CDC42: variants seen among roughly 807,000 people sequenced by gnomAD.
CDC42 encodes cell division control protein 42 homolog.
CDC42 carries 1 observed loss-of-function variant against 20.8 expected under a neutral mutation model. That is an observed-to-expected ratio of 0.05 (90% CI 0.02 to 0.23). CDC42 has a LOEUF of 0.23. CDC42 is among the 10% of genes least tolerant of loss of function. The pLI, the probability that CDC42 is intolerant of heterozygous loss-of-function variation, is 1.00. For synonymous variants in CDC42, 72 were observed against 84.8 expected, an observed-to-expected ratio of 0.85 and a Z score of 0.83; for missense variants, 49 against 227.9, an observed-to-expected ratio of 0.21 and a Z score of 5.05.
chr1:22,084,030 G>A (rs915288488), intron 3 of CDC42, among the ~76,000 whole-genome samples: 4 of 152,100 alleles, frequency 2.6e-5, no homozygotes, highest in Non-Finnish European at 5.9e-5. Flanking sequence ...TCACAGTTTT[G>A]TTTATCCATT....
At chr1:22,090,261 C>G in intron 5 of CDC42, 1 of 1,209,422 alleles carries the variant, frequency 8.3e-7, no homozygotes, top group Non-Finnish European at 1.0e-6. Flanking sequence ...GCTTGAGTTG[C>G]CTGATGCTCA....
intron 1 of CDC42, among the ~76,000 whole-genome samples, chr1:22,075,439 A>G (rs1645537648): frequency 6.6e-6 from 1 of 152,312 alleles, no homozygotes; most frequent in South Asian, 2.1e-4. Flanking sequence ...CAAGTTTCTT[A>G]TATAAAATTA....
At chr1:22,084,875 T>C (rs1486937103) in intron 3 of CDC42, among the ~76,000 whole-genome samples, 2 of 152,144 alleles carry the variant, frequency 1.3e-5, no homozygotes, top group Non-Finnish European at 2.9e-5. Flanking sequence ...TATGTCATTT[T>C]CTCAGCACCA....
chr1:22,076,194 T>C (rs1295401997), intron 1 of CDC42, among the ~76,000 whole-genome samples: 1 of 151,976 alleles, frequency 6.6e-6, no homozygotes, highest in Admixed American at 6.6e-5. Flanking sequence ...GCACGGTGGC[T>C]CACACCTGTA....
At chr1:22,070,264 A>G (rs1044701273) in intron 1 of CDC42, among the ~76,000 whole-genome samples, 1 of 152,162 alleles carries the variant, frequency 6.6e-6, no homozygotes, top group African/African-American at 2.4e-5. Flanking sequence ...GCTAGCTGTA[A>G]TAAATAAATC....
chr1:22,058,449 G>A (rs1645327043), intron 1 of CDC42, among the ~76,000 whole-genome samples: 1 of 151,696 alleles, frequency 6.6e-6, no homozygotes, highest in Non-Finnish European at 1.5e-5. Context: ...ATTGCCTCAT[G>A]TCTGCCCATT....
chr1:22,055,028 A>T (rs1645288931), intron 1 of CDC42, among the ~76,000 whole-genome samples: 1 of 132,158 alleles, frequency 7.6e-6, no homozygotes, highest in African/African-American at 2.9e-5. Flanking sequence ...ATCTCAGCTC[A>T]CTGCAAGCTC....
chr1:22,075,366 TC>T (rs1242565343), intron 1 of CDC42, among the ~76,000 whole-genome samples: 1 of 152,184 alleles, frequency 6.6e-6, no homozygotes, highest in Non-Finnish European at 1.5e-5. Context: ...AGTATAATCT[TC>T]CCTTGATATT....
chr1:22,067,783 C>T (rs1645440848), intron 1 of CDC42, among the ~76,000 whole-genome samples: 1 of 152,196 alleles, frequency 6.6e-6, no homozygotes, highest in African/African-American at 2.4e-5. Context: ...CCAGCAGTCT[C>T]ACCTTCTAAC....
In CDC42 at chr1:22,078,334, C is replaced by A. The variant is rs16826467; in HGVS notation, c.-50-95C>A. 1.6e-3 allele frequency: 876 copies of A among 555,098 alleles called. 5 individuals are homozygous for A. Among genetic ancestry groups the A allele is most frequent in the African/African-American group, 0.014 (743 of 52,088 alleles). 34.4% of individuals were successfully genotyped at this position (555,098 alleles called of 1,614,324 possible). ...TTTAGCCATAATAATTGTGCTAGTT[C>A]TTTTCTTGCTCTGAGTGCCTGAACC... On this transcript the variant is annotated intron_variant, in intron 1 of 5. Transcript: ENST00000656825.
chr1:22,094,330 C>T lies in CDC42; in HGVS notation c.*2813C>T, dbSNP rs376472574. On this transcript the variant is annotated 3_prime_UTR_variant, in exon 6 of 6. Coordinates refer to ENST00000656825, the MANE Select transcript of CDC42 (RefSeq NM_001791.4). ...TTTTTTTTTTTGAGACGGAGTCTCG[C>T]TCTGTCGCCCAGGCTGGAGTGCAGT... is the stretch of plus-strand genomic sequence containing the variant. Among the ~76,000 whole-genome samples, 65 of 23,792 alleles carry T rather than the reference C, an allele frequency of 2.7e-3. 1 individual carries two copies. In the East Asian group the frequency reaches 0.21, roughly 78 times the overall value. 15.6% of individuals were successfully genotyped at this position (23,792 alleles called of 152,430 possible).
intron 1 of CDC42, among the ~76,000 whole-genome samples, chr1:22,057,459 A>G (rs1488508353): frequency 6.6e-6 from 1 of 152,190 alleles, no homozygotes; most frequent in African/African-American, 2.4e-5. Context: ...ATCTCGGCTC[A>G]CCGCAACCTC....
In CDC42 at chr1:22,097,987, C is replaced by T. The variant is rs114664525; in HGVS notation, c.*6470C>T. ...GGCTAAGGTAAGTATAGCATTTTCT[C>T]AACCCTATTACAATAGAGCACAGGA... On this transcript the variant is annotated 3_prime_UTR_variant, in exon 6 of 6. Coordinates refer to ENST00000656825, the MANE Select transcript of CDC42 (RefSeq NM_001791.4). Among the ~76,000 whole-genome samples, 1 of 152,194 alleles carries T rather than the reference C, an allele frequency of 6.6e-6. No individual in the cohort carries two copies. The highest frequency in any genetic ancestry group is 2.4e-5 in the African/African-American group (1 of 41,528).
chr1:22,086,055 A>G (rs1040663976), intron 3 of CDC42, among the ~76,000 whole-genome samples: 4 of 152,216 alleles, frequency 2.6e-5, no homozygotes, highest in Non-Finnish European at 5.9e-5. Flanking sequence ...CATGTTGGCC[A>G]GGCTGGTCTT....
rs1193915613 is a variant in CDC42, at chr1:22,095,892, C to T, written c.*4375C>T. On this transcript the variant is annotated 3_prime_UTR_variant, in exon 6 of 6. Coordinates refer to ENST00000656825, the MANE Select transcript of CDC42 (RefSeq NM_001791.4). ...TTACACTTTCTCGTATTCCATTGCCCAGAGATGGCATATAGCCGATCCCAA... is the reference window on the plus strand; with the variant it reads ...TTACACTTTCTCGTATTCCATTGCCTAGAGATGGCATATAGCCGATCCCAA... 6.6e-6 allele frequency among the ~76,000 whole-genome samples: 1 copy of T among 152,140 alleles called. No individual in the cohort carries two copies. The highest frequency in any genetic ancestry group is 1.9e-4 in the East Asian group (1 of 5,200).
intron 1 of CDC42, among the ~76,000 whole-genome samples, chr1:22,066,297 C>T (rs1476330755): frequency 2.0e-5 from 3 of 151,760 alleles, no homozygotes; most frequent in Admixed American, 1.3e-4. Context: ...ATCGCTTGAG[C>T]GTGGGAGGCA....
At position 22,091,436 on chromosome 1, in the gene CDC42, A is replaced by T. The variant is rs761770396; in HGVS notation, c.495A>T (p.Leu165=). The T allele has an allele frequency of 6.2e-7, 1 of 1,611,742 alleles. No individual in the cohort carries two copies. Among genetic ancestry groups the T allele is most frequent in the Admixed American group, 1.7e-5 (1 of 59,856 alleles). Reference sequence around the variant, plus strand: ...TTTCTACCCCTTTTCAGAAAGGCCTAAAGAATGTATTTGACGAAGCAATAT... The same window carrying T: ...TTTCTACCCCTTTTCAGAAAGGCCTTAAGAATGTATTTGACGAAGCAATAT... The part of the protein sequence containing the change: ...VECSALTQKG[L]KNVFDEAILA... The change falls in exon 6 of 6, where the codon CTA becomes CTT. Residue 165 remains leucine (L), a synonymous_variant. Transcript: ENST00000656825.
intron 3 of CDC42, among the ~76,000 whole-genome samples, chr1:22,084,334 T>TG (rs1205876281): frequency 9.3e-6 from 1 of 107,764 alleles, no homozygotes; most frequent in East Asian, 2.8e-4. Flanking sequence ...ACTTATTTCC[T>TG]GTTTTTTTTT....
intron 1 of CDC42, among the ~76,000 whole-genome samples, chr1:22,076,078 A>G (rs867013131): frequency 1.3e-5 from 2 of 152,170 alleles, no homozygotes; most frequent in African/African-American, 4.8e-5. Flanking sequence ...TCACGGATAT[A>G]TACTTGTCAT....
Sources: gnomAD v4.1 joint callset for allele counts (sites outside exome capture counted in the v4.1 genomes callset) on GRCh38, gnomAD v4.1.1 for gene constraint, MANE v1.5 for transcripts, NCBI Gene and HGNC (gene_info 2026-07-23, HGNC 2026-07-21) for gene names.